Variants in RPS6KC1 observed in about 807,000 individuals in gnomAD.
RPS6KC1 encodes the protein inactive ribosomal protein S6 kinase delta-1.
Under a neutral mutation model 103.8 loss-of-function variants are expected in RPS6KC1, and 54 were observed. That is an observed-to-expected ratio of 0.52 (90% confidence interval 0.42 to 0.65). The LOEUF (loss-of-function observed/expected upper bound fraction) is 0.65, where lower values mean the gene tolerates loss of function less well. Ranked by LOEUF, RPS6KC1 falls within the 30% of genes least tolerant of loss-of-function variation. RPS6KC1 has a pLI of 0.00. For missense variants in RPS6KC1, 1,151 were observed against 1,253.8 expected, an observed-to-expected ratio of 0.92 and a Z score of 1.24; for synonymous variants, 439 against 438.7, an observed-to-expected ratio of 1.00 and a Z score of -0.01.
chr1:213,602,868 C>T, the RPS6KC1 span, among the ~76,000 whole-genome samples: 1 of 152,078 alleles, frequency 6.6e-6, no homozygotes, highest in African/African-American at 2.4e-5. Flanking sequence ...CAAGAGGTAC[C>T]CTTTATATTT....
At chr1:213,718,841 G>A in the RPS6KC1 span, among the ~76,000 whole-genome samples, 1 of 152,170 alleles carries the variant, frequency 6.6e-6, no homozygotes, top group African/African-American at 2.4e-5. Context: ...CTATAGTTCT[G>A]GGGTGGGACC....
chr1:213,269,881 C>T (rs764515414), intron 14 of RPS6KC1, among the ~76,000 whole-genome samples: 3 of 151,424 alleles, frequency 2.0e-5, no homozygotes, highest in African/African-American at 4.9e-5. Context: ...GAGACCCTGT[C>T]TCTAAATTTA....
chr1:213,284,992 CAT>C, the RPS6KC1 span, among the ~76,000 whole-genome samples: 1 of 152,354 alleles, frequency 6.6e-6, no homozygotes, highest in Non-Finnish European at 1.5e-5. Flanking sequence ...ATAAAGGGCA[CAT>C]GTGGTTATCA....
At chr1:213,258,090 C>T (rs1261172070) in intron 12 of RPS6KC1, among the ~76,000 whole-genome samples, 1 of 152,004 alleles carries the variant, frequency 6.6e-6, no homozygotes, top group Non-Finnish European at 1.5e-5. Context: ...CAAGCAATTC[C>T]TCTGCCTCGG....
chr1:213,103,771 A>T (rs908914498), intron 3 of RPS6KC1, among the ~76,000 whole-genome samples: 1 of 152,206 alleles, frequency 6.6e-6, no homozygotes, highest in Non-Finnish European at 1.5e-5. Flanking sequence ...CTGGTAATCT[A>T]ATCTAAGTAC....
the RPS6KC1 span, among the ~76,000 whole-genome samples, chr1:213,515,728 C>T: frequency 5.3e-5 from 8 of 152,088 alleles, no homozygotes; most frequent in Non-Finnish European, 1.0e-4. Flanking sequence ...TTTTTGATTC[C>T]ATATGAACTT....
chr1:213,274,066 C>T lies in RPS6KC1; in HGVS notation c.*1432C>T, dbSNP rs2095096324. 1 of 152,172 alleles carries T rather than the reference C, an allele frequency of 6.6e-6. No homozygotes were observed. The highest frequency in any genetic ancestry group is 2.1e-4 in the South Asian group (1 of 4,822). The allele number at this position is 152,172 out of a possible 1,614,324, so 9.4% of individuals were successfully genotyped here. On this transcript the variant is annotated 3_prime_UTR_variant, in exon 15 of 15. Coordinates refer to ENST00000366960, the MANE Select transcript of RPS6KC1 (RefSeq NM_012424.6). ...TAGTGAAACAAAGGAAATGTGCAAG[C>T]ATTTTTCCTTTTTCTATTATTCTAT...
chr1:213,513,303 A>G, the RPS6KC1 span, among the ~76,000 whole-genome samples: 19 of 152,342 alleles, frequency 1.2e-4, no homozygotes, highest in African/African-American at 4.6e-4. Flanking sequence ...TTGTTAGCCC[A>G]CTGAGATCCA....
At chr1:213,686,604 C>T in the RPS6KC1 span, among the ~76,000 whole-genome samples, 6 of 152,250 alleles carry the variant, frequency 3.9e-5, no homozygotes, top group East Asian at 1.2e-3. Flanking sequence ...GAGCATATAA[C>T]ATGTTTTTAT....
At chr1:213,742,785 A>T in the RPS6KC1 span, among the ~76,000 whole-genome samples, 1 of 152,188 alleles carries the variant, frequency 6.6e-6, no homozygotes, top group African/African-American at 2.4e-5. Context: ...CACAGAAAGT[A>T]CCAGGGCAGG....
the RPS6KC1 span, among the ~76,000 whole-genome samples, chr1:213,507,461 A>G: frequency 6.6e-6 from 1 of 152,162 alleles, no homozygotes; most frequent in African/African-American, 2.4e-5. Context: ...AAGAAGGAAA[A>G]GGACAGATGC....
the RPS6KC1 span, among the ~76,000 whole-genome samples, chr1:213,480,720 AG>A: frequency 6.6e-6 from 1 of 152,116 alleles, no homozygotes; most frequent in African/African-American, 2.4e-5. Context: ...CAGGAAAAAA[AG>A]TCTCCATTCT....
chr1:213,382,235 TG>T, the RPS6KC1 span, among the ~76,000 whole-genome samples: 6 of 152,296 alleles, frequency 3.9e-5, no homozygotes, highest in Non-Finnish European at 8.8e-5. Context: ...TTTCTCCCCC[TG>T]GGTTGCCCAG....
At chr1:213,370,059 G>T in the RPS6KC1 span, among the ~76,000 whole-genome samples, 1 of 152,038 alleles carries the variant, frequency 6.6e-6, no homozygotes, top group African/African-American at 2.4e-5. Flanking sequence ...GTCTTATCTC[G>T]AAGCAATTGC....
At chr1:213,507,161 T>C in the RPS6KC1 span, among the ~76,000 whole-genome samples, 1 of 152,182 alleles carries the variant, frequency 6.6e-6, no homozygotes, top group Non-Finnish European at 1.5e-5. Flanking sequence ...CTTCCACAAG[T>C]ACAACCTATT....
At chr1:213,553,250 G>A in the RPS6KC1 span, among the ~76,000 whole-genome samples, 3 of 152,134 alleles carry the variant, frequency 2.0e-5, no homozygotes, top group African/African-American at 4.8e-5. Context: ...TTACAAGTAA[G>A]AGCTTATGGT....
chr1:213,842,143 A>G, the RPS6KC1 span: 1 of 152,274 alleles, frequency 6.6e-6, no homozygotes, highest in African/African-American at 2.4e-5. Flanking sequence ...TGATCGCTCC[A>G]TTTCATACAG....
At chr1:213,317,100 A>T in the RPS6KC1 span, among the ~76,000 whole-genome samples, 1 of 152,212 alleles carries the variant, frequency 6.6e-6, no homozygotes, top group Non-Finnish European at 1.5e-5. Context: ...TTTCAGAAAG[A>T]CCAAGCTGGC....
At chr1:213,069,742 A>G (rs2078697158) in intron 1 of RPS6KC1, among the ~76,000 whole-genome samples, 3 of 152,164 alleles carry the variant, frequency 2.0e-5, no homozygotes, top group Non-Finnish European at 4.4e-5. Flanking sequence ...AAGAATGGCT[A>G]CTCCATAGGC....
Sources: gnomAD v4.1 joint callset for allele counts (sites outside exome capture counted in the v4.1 genomes callset) on GRCh38, gnomAD v4.1.1 for gene constraint, MANE v1.5 for transcripts, NCBI Gene and HGNC (gene_info 2026-07-23, HGNC 2026-07-21) for gene names.